WWOX: variants seen among roughly 807,000 people sequenced by gnomAD.
The protein encoded by WWOX is WW domain-containing oxidoreductase.
In WWOX, 69 loss-of-function variants were observed where a neutral mutation model predicts 46.2. That is an observed-to-expected ratio of 1.49 (90% confidence interval 1.23 to 1.82). The LOEUF is 1.82. WWOX is among the 40% of genes most tolerant of loss of function. WWOX has a pLI of 0.00. For synonymous variants in WWOX, 359 were observed against 202.6 expected (o/e 1.77, Z -6.56); for missense variants, 919 against 542.6 (o/e 1.69, Z -6.89).
intron 3 of WWOX, among the ~76,000 whole-genome samples, 170 bp downstream of exon 3, chr16:78,110,005 A>G (rs528597518): frequency 6.6e-6 from 1 of 151,556 alleles, no homozygotes; most frequent in African/African-American, 2.4e-5. Flanking sequence ...TAACATCGCT[A>G]GATTTATTCT....
intron 8 of WWOX, among the ~76,000 whole-genome samples, chr16:79,114,093 T>G (rs1300596596): frequency 6.6e-6 from 1 of 152,132 alleles, no homozygotes; most frequent in Non-Finnish European, 1.5e-5. Context: ...AGTCATTTGC[T>G]AGTAAGGGTT....
chr16:78,370,927 C>G (rs1008768400), intron 5 of WWOX, among the ~76,000 whole-genome samples: 12 of 149,002 alleles, frequency 8.1e-5, no homozygotes, highest in African/African-American at 2.5e-4. Context: ...ATTTTGTTTC[C>G]TGACATAGAG....
chr16:78,258,959 A>G (rs1052563186), intron 5 of WWOX, among the ~76,000 whole-genome samples: 3 of 152,192 alleles, frequency 2.0e-5, no homozygotes, highest in African/African-American at 7.2e-5. Context: ...CAGTGTTACT[A>G]GTGCTCGCAT....
At chr16:78,774,175 G>C (rs1432147227) in intron 8 of WWOX, among the ~76,000 whole-genome samples, 2 of 152,166 alleles carry the variant, frequency 1.3e-5, no homozygotes, top group Admixed American at 6.5e-5. Flanking sequence ...GGCCAAGGCA[G>C]GCAGATCATG....
At chr16:78,799,388 T>C (rs1002383881) in intron 8 of WWOX, among the ~76,000 whole-genome samples, 1 of 152,236 alleles carries the variant, frequency 6.6e-6, no homozygotes, top group Non-Finnish European at 1.5e-5. Flanking sequence ...CTCACACGTC[T>C]GTGCTTGCTG....
At chr16:78,928,197 A>T (rs534936430) in intron 8 of WWOX, among the ~76,000 whole-genome samples, 3 of 141,430 alleles carry the variant, frequency 2.1e-5, no homozygotes, top group African/African-American at 8.0e-5. Flanking sequence ...TTTCCCTACC[A>T]CTTTTCTTTT....
intron 8 of WWOX, among the ~76,000 whole-genome samples, chr16:78,532,598 A>T (rs146442321): frequency 6.6e-6 from 1 of 152,316 alleles, no homozygotes; most frequent in African/African-American, 2.4e-5. Context: ...ACCCAATACT[A>T]GGTCATTTAC....
intron 8 of WWOX, among the ~76,000 whole-genome samples, chr16:78,549,269 C>A (rs1039785570): frequency 6.6e-6 from 1 of 152,178 alleles, no homozygotes; most frequent in East Asian, 1.9e-4. Flanking sequence ...TCATTCTTCA[C>A]GTCTCAGATA....
intron 5 of WWOX, among the ~76,000 whole-genome samples, chr16:78,164,654 A>G (rs2113162): frequency 0.4 from 61,556 of 152,050 alleles, 12,756 homozygotes; most frequent in East Asian, 0.51. Flanking sequence ...CCCTATCTCT[A>G]ATTTCTTACT....
At chr16:79,076,994 C>A (rs905424288) in intron 8 of WWOX, among the ~76,000 whole-genome samples, 5 of 152,130 alleles carry the variant, frequency 3.3e-5, no homozygotes, top group African/African-American at 1.2e-4. Context: ...TTAGGTTGAA[C>A]TGTATGAAAT....
intron 5 of WWOX, among the ~76,000 whole-genome samples, chr16:78,321,292 GTATATATATACGTA>G (rs1453845659): frequency 8.7e-5 from 6 of 68,836 alleles, no homozygotes; most frequent in African/African-American, 2.9e-4. Flanking sequence ...ATATATATAC[GTATATATATACGTA>G]TATATATGCG....
chr16:78,894,812 C>G (rs1347220832), intron 8 of WWOX, among the ~76,000 whole-genome samples: 2 of 152,124 alleles, frequency 1.3e-5, no homozygotes, highest in Admixed American at 1.3e-4. Flanking sequence ...GACCCCAAGA[C>G]CGGCTTCAGT....
chr16:78,658,229 T>TA (rs1312433089), intron 8 of WWOX, among the ~76,000 whole-genome samples: 21 of 152,182 alleles, frequency 1.4e-4, no homozygotes, highest in Admixed American at 1.4e-3. Context: ...TTTATCCTCT[T>TA]ACAGTTTTGG....
At chr16:78,232,171 C>T (rs1394869179) in intron 5 of WWOX, among the ~76,000 whole-genome samples, 3 of 152,134 alleles carry the variant, frequency 2.0e-5, no homozygotes, top group Non-Finnish European at 4.4e-5. Context: ...TCAAGAATCA[C>T]TTTCCTTAAA....
chr16:78,700,549 C>T (rs957939287), intron 8 of WWOX, among the ~76,000 whole-genome samples: 4 of 152,194 alleles, frequency 2.6e-5, no homozygotes, highest in African/African-American at 9.7e-5. Context: ...CCCCAATTTA[C>T]TGTCAGTGCA....
chr16:78,762,899 T>C (rs1433218514), intron 8 of WWOX, among the ~76,000 whole-genome samples: 3 of 152,324 alleles, frequency 2.0e-5, no homozygotes, highest in Middle Eastern at 3.4e-3. Context: ...ACACCCAGTT[T>C]GGTAAGTGTT....
At chr16:78,682,756 C>T (rs1419094918) in intron 8 of WWOX, among the ~76,000 whole-genome samples, 1 of 152,142 alleles carries the variant, frequency 6.6e-6, no homozygotes, top group Admixed American at 6.5e-5. Flanking sequence ...AGGTATTTCT[C>T]CCCTTCACGG....
At chr16:78,496,802 C>T (rs1156595371) in intron 8 of WWOX, among the ~76,000 whole-genome samples, 1 of 152,170 alleles carries the variant, frequency 6.6e-6, no homozygotes, top group African/African-American at 2.4e-5. Flanking sequence ...GAGGAAGAGG[C>T]CCCAAGACAT....
At chr16:79,084,977 G>C (rs138637503) in intron 8 of WWOX, among the ~76,000 whole-genome samples, 2 of 151,700 alleles carry the variant, frequency 1.3e-5, no homozygotes, top group Non-Finnish European at 2.9e-5. Flanking sequence ...CCAGGCTGGA[G>C]TGCAGTGGCA....
Sources: gnomAD v4.1 joint callset for allele counts (sites outside exome capture counted in the v4.1 genomes callset) on GRCh38, gnomAD v4.1.1 for gene constraint, MANE v1.5 for transcripts, NCBI Gene and HGNC (gene_info 2026-07-23, HGNC 2026-07-21) for gene names.